DAPK2: variants seen among roughly 807,000 people sequenced by gnomAD.
DAPK2 encodes death-associated protein kinase 2.
DAPK2 carries 35 observed loss-of-function variants against 44.1 expected under a neutral mutation model. The ratio of observed to expected loss-of-function variants is 0.79; its 90% confidence interval spans 0.61 to 1.05. The LOEUF (loss-of-function observed/expected upper bound fraction) is 1.05, where lower values mean the gene tolerates loss of function less well. Among genes scored for constraint, DAPK2 ranks in the 50% least tolerant of loss-of-function variants. The pLI, the probability that DAPK2 is intolerant of heterozygous loss-of-function variation, is 0.00. For synonymous variants in DAPK2, 174 were observed against 182.6 expected, an observed-to-expected ratio of 0.95 and a Z score of 0.38; for missense variants, 453 against 483.2, an observed-to-expected ratio of 0.94 and a Z score of 0.59.
At chr15:64,000,615 A>G (rs1180760907) in intron 1 of DAPK2, among the ~76,000 whole-genome samples, 1 of 152,120 alleles carries the variant, frequency 6.6e-6, no homozygotes. Context: ...TCAGGTATGC[A>G]GGGGGAAAAA....
In DAPK2 at chr15:63,926,161, G is replaced by A. The variant is rs115467792; in HGVS notation, c.660-68C>T. 9.0e-4 allele frequency: 1,382 copies of A among 1,534,400 alleles called. 8 individuals carry two copies. The African/African-American group carries it at 0.017, about 19-fold the overall frequency. The stretch of plus-strand genomic sequence containing the variant: ...GGTGGAAATGGGGATTACGGACTCG[G>A]GGAACCCTGCCCCATGACTGCTGCA... On this transcript the variant is annotated intron_variant, in intron 6 of 10. Transcript: ENST00000261891.
In DAPK2 at chr15:63,923,400, G is replaced by T; in HGVS notation, c.858+1416C>A. 6.6e-7 allele frequency: 1 copy of T among 1,505,382 alleles called. No homozygotes were observed. Among genetic ancestry groups the T allele is most frequent in the Non-Finnish European group, 8.9e-7 (1 of 1,129,932 alleles). 93.3% of individuals were successfully genotyped at this position (1,505,382 alleles called of 1,614,324 possible). A position where few individuals can be genotyped will look rare whatever the true frequency, so the allele number is the denominator to read the frequency against. ...GTTAATTTGCCGCCCACCCCAGAGGGCAGTCCAAAGGGTAGGCAGAAGGCA... is the reference window on the plus strand; with the variant it reads ...GTTAATTTGCCGCCCACCCCAGAGGTCAGTCCAAAGGGTAGGCAGAAGGCA... On this transcript the variant is annotated intron_variant, in intron 8 of 10. Transcript: ENST00000261891. The surrounding 1 kb of genome is among the most constrained non-coding windows in gnomAD (Gnocchi z 4.2).
chr15:64,044,419 T>C (rs1408535034), upstream of DAPK2, among the ~76,000 whole-genome samples: 6 of 152,126 alleles, frequency 3.9e-5, no homozygotes, highest in Non-Finnish European at 7.3e-5. Context: ...TTCCACGTTA[T>C]CCATACTATA....
intron 1 of DAPK2, among the ~76,000 whole-genome samples, chr15:64,030,551 A>C (rs980722783): frequency 3.9e-5 from 6 of 152,040 alleles, no homozygotes; most frequent in African/African-American, 1.4e-4. Flanking sequence ...CTGCTGCCCT[A>C]TGCAGAGAAT....
chr15:64,026,915 C>T (rs548749685), intron 1 of DAPK2, among the ~76,000 whole-genome samples: 2 of 152,274 alleles, frequency 1.3e-5, no homozygotes, highest in South Asian at 4.1e-4. Context: ...CCTTACCTAC[C>T]TTGTGTTGCT....
At chr15:64,030,122 T>C (rs977232788) in intron 1 of DAPK2, 14 of 152,340 alleles carry the variant, frequency 9.2e-5, no homozygotes, top group Admixed American at 3.3e-4. Flanking sequence ...GAACCCGGTC[T>C]CTATTAAAAA....
Position 63,939,113 on chromosome 15 carries a change from A to G in DAPK2, c.583+119T>C. On this transcript the variant is annotated intron_variant, in intron 4 of 10. Coordinates refer to ENST00000261891, the Ensembl canonical transcript of DAPK2. The surrounding 1 kb of genome is among the most constrained non-coding windows in gnomAD (Gnocchi z 4.3). ...TTCCCCACCCATTAGGTTTCTAGAG[A>G]TGTCCCAATGCATCATCTCTTTGCT... 6.7e-7 allele frequency: 1 copy of G among 1,495,892 alleles called. No homozygotes were observed. The highest frequency in any genetic ancestry group is 8.9e-7 in the Non-Finnish European group (1 of 1,119,388). The allele number at this position is 1,495,892 out of a possible 1,614,324, so 92.7% of individuals were successfully genotyped here. A position where few individuals can be genotyped will look rare whatever the true frequency, so the allele number is the denominator to read the frequency against.
exon 2 of DAPK2, chr15:63,983,594 T>C (rs2078589029): frequency 1.9e-6 from 3 of 1,614,134 alleles, no homozygotes; most frequent in Admixed American, 3.3e-5. Flanking sequence ...GTGATGACAT[T>C]GTGGTGCAGC....
At chr15:63,922,704 T>A in intron 8 of DAPK2, 1 of 1,490,792 alleles carries the variant, frequency 6.7e-7, no homozygotes, top group Non-Finnish European at 8.9e-7. Context: ...TGCAAACCTC[T>A]TGGGATGCAT....
intron 3 of DAPK2, among the ~76,000 whole-genome samples, chr15:63,948,325 G>T (rs2077504049): frequency 1.4e-5 from 2 of 140,600 alleles, no homozygotes; most frequent in African/African-American, 5.2e-5. Flanking sequence ...TGGTTCCATA[G>T]GCTGTACAGG....
At chr15:64,028,208 G>A (rs747184141) in intron 1 of DAPK2, among the ~76,000 whole-genome samples, 9 of 152,098 alleles carry the variant, frequency 5.9e-5, no homozygotes, top group African/African-American at 1.9e-4. Flanking sequence ...ACAGGTGTGC[G>A]CCACCACACC....
chr15:63,955,917 T>C (rs1427481050), intron 3 of DAPK2, among the ~76,000 whole-genome samples: 4 of 152,230 alleles, frequency 2.6e-5, no homozygotes, highest in Non-Finnish European at 2.9e-5. Context: ...AGTAAAGCCA[T>C]AGGGCCCCAG....
intron 7 of DAPK2, 34 bp from the exon 9 acceptor site, chr15:63,924,895 T>C (rs16947584): frequency 2.0e-5 from 33 of 1,612,832 alleles, no homozygotes; most frequent in East Asian, 6.7e-5. Context: ...TGATGATCCA[T>C]GAGGACAGAA....
At chr15:64,036,336 T>TATATATATATAC (rs1331157703) in intron 1 of DAPK2, among the ~76,000 whole-genome samples, 4 of 115,084 alleles carry the variant, frequency 3.5e-5, no homozygotes, top group African/African-American at 5.8e-5. Context: ...TATATATATA[T>TATATATATATAC]ACATATATAT....
intron 1 of DAPK2, among the ~76,000 whole-genome samples, chr15:64,032,828 G>A (rs1043886468): frequency 1.3e-5 from 2 of 152,078 alleles, no homozygotes; most frequent in African/African-American, 2.4e-5. Flanking sequence ...GTTCATGACT[G>A]TAATCCCAGC....
chr15:63,988,566 G>A (rs11638133), intron 1 of DAPK2, among the ~76,000 whole-genome samples: 15,560 of 150,042 alleles, frequency 0.1, 1,094 homozygotes, highest in South Asian at 0.3. Context: ...GTACGGTGGC[G>A]CAATCTCGGC....
rs550958308 is a variant in DAPK2, at chr15:63,983,174, C to T, written c.314+359G>A. 7.8e-4 allele frequency among the ~76,000 whole-genome samples: 119 copies of T among 152,320 alleles called. 1 individual carries two copies. The South Asian group carries it at 0.023, about 30-fold the overall frequency. On this transcript the variant is annotated intron_variant, in intron 2 of 10. Coordinates refer to ENST00000261891, the Ensembl canonical transcript of DAPK2. The stretch of plus-strand genomic sequence containing the variant: ...TCGCTGACAGCCTCCCCTGGCCCCA[C>T]CCCACCATCTGTCCCACTCACCCTC...
At chr15:64,032,418 T>G (rs1022539634) in intron 1 of DAPK2, among the ~76,000 whole-genome samples, 1 of 152,174 alleles carries the variant, frequency 6.6e-6, no homozygotes, top group African/African-American at 2.4e-5. Flanking sequence ...AGTGCTGCAG[T>G]GATATTCCAA....
intron 6 of DAPK2, chr15:63,928,357 G>A (rs2079378749): frequency 6.6e-6 from 1 of 152,210 alleles, no homozygotes; most frequent in South Asian, 2.1e-4. Flanking sequence ...TCAGGGACCT[G>A]GCTCATAGGG....
Sources: allele counts gnomAD v4.1 joint callset (sites outside exome capture counted in the v4.1 genomes callset), GRCh38; gene constraint gnomAD v4.1.1; non-coding constraint Gnocchi (gnomAD v3.1); transcripts MANE v1.5; gene names NCBI Gene and HGNC (gene_info 2026-07-23, HGNC 2026-07-21).